GABRB1: variants seen among roughly 807,000 people sequenced by gnomAD.
The protein encoded by GABRB1 is gamma-aminobutyric acid receptor subunit beta-1.
Under a neutral mutation model 51.6 loss-of-function variants are expected in GABRB1, and 17 were observed. The ratio of observed to expected loss-of-function variants is 0.33; its 90% confidence interval spans 0.23 to 0.49. The LOEUF (loss-of-function observed/expected upper bound fraction) is 0.49, where lower values mean the gene tolerates loss of function less well. Among genes scored for constraint, GABRB1 ranks in the 20% least tolerant of loss-of-function variants. GABRB1 has a pLI of 0.99. For missense variants in GABRB1, 410 were observed against 600.6 expected, an observed-to-expected ratio of 0.68 and a Z score of 3.32; for synonymous variants, 247 against 218.9, an observed-to-expected ratio of 1.13 and a Z score of -1.14.
At chr4:47,202,279 C>T (rs528739030) in intron 4 of GABRB1, among the ~76,000 whole-genome samples, 1 of 152,264 alleles carries the variant, frequency 6.6e-6, no homozygotes, top group Non-Finnish European at 1.5e-5. Context: ...GAAGAAGGTG[C>T]CTTGCTTCCC....
At chr4:47,120,243 G>A (rs1234331934) in intron 3 of GABRB1, among the ~76,000 whole-genome samples, 2 of 152,000 alleles carry the variant, frequency 1.3e-5, no homozygotes, top group African/African-American at 2.4e-5. Context: ...AATATATAAA[G>A]CAAATATTAT....
intron 3 of GABRB1, among the ~76,000 whole-genome samples, chr4:47,152,106 ACT>A (rs1203323347): frequency 3.3e-5 from 5 of 151,902 alleles, no homozygotes; most frequent in Non-Finnish European, 1.5e-5. Flanking sequence ...GGAATTATAG[ACT>A]CATTCATTTT....
At chr4:47,039,248 T>C (rs1427397523) in intron 3 of GABRB1, among the ~76,000 whole-genome samples, 1 of 151,536 alleles carries the variant, frequency 6.6e-6, no homozygotes, top group Non-Finnish European at 1.5e-5. Flanking sequence ...CCAATGTATC[T>C]TTCCCTGTCT....
chr4:47,241,909 T>A (rs918263228), intron 4 of GABRB1, among the ~76,000 whole-genome samples: 1 of 152,204 alleles, frequency 6.6e-6, no homozygotes, highest in African/African-American at 2.4e-5. Flanking sequence ...TATTATACTT[T>A]AAGTTCTAGG....
In GABRB1 at chr4:47,148,669, G is replaced by T. The variant is rs1717286380; in HGVS notation, c.241-12580G>T. Among the ~76,000 whole-genome samples, 7 of 151,654 alleles carry T rather than the reference G, an allele frequency of 4.6e-5. No individual in the cohort carries two copies. The Admixed American group carries it at 4.6e-4, about 10-fold the overall frequency. ...TTAAGGATCACTGTGGAAGAAAAATGCTGGCCTTCCCTTGGCTAACATTTG... is the reference window on the plus strand; with the variant it reads ...TTAAGGATCACTGTGGAAGAAAAATTCTGGCCTTCCCTTGGCTAACATTTG... On this transcript the variant is annotated intron_variant, in intron 3 of 8. Coordinates refer to ENST00000295454, the MANE Select transcript of GABRB1 (RefSeq NM_000812.4).
chr4:47,101,081 C>A (rs551302452), intron 3 of GABRB1, among the ~76,000 whole-genome samples: 1 of 151,932 alleles, frequency 6.6e-6, no homozygotes, highest in South Asian at 2.1e-4. Flanking sequence ...TAGTCCTGCA[C>A]ACAATGGAAG....
intron 5 of GABRB1, among the ~76,000 whole-genome samples, chr4:47,389,088 G>T (rs952915710): frequency 6.6e-6 from 1 of 152,152 alleles, no homozygotes; most frequent in Non-Finnish European, 1.5e-5. Context: ...TTGCAAGATT[G>T]GGTGTTTGGT....
At chr4:47,132,395 T>A (rs1716458189) in intron 3 of GABRB1, among the ~76,000 whole-genome samples, 1 of 1,138 alleles carries the variant, frequency 8.8e-4, no homozygotes, top group Non-Finnish European at 1.9e-3. Flanking sequence ...TGGTTTGTTT[T>A]GGTTTGGTTT....
chr4:47,336,569 A>T (rs2109981925), intron 5 of GABRB1, among the ~76,000 whole-genome samples: 1 of 152,324 alleles, frequency 6.6e-6, no homozygotes, highest in Non-Finnish European at 1.5e-5. Context: ...AAATCTGCAA[A>T]CTAAAAGAGA....
chr4:47,329,464 A>G (rs1476194590), intron 5 of GABRB1, among the ~76,000 whole-genome samples: 1 of 149,040 alleles, frequency 6.7e-6, no homozygotes, highest in Non-Finnish European at 1.5e-5. Flanking sequence ...ATACATATAT[A>G]TGGAATATAT....
At position 47,339,541 on chromosome 4, in the gene GABRB1, A is replaced by ATGTGTG. The variant is rs34390361; in HGVS notation, c.544+19356_544+19361dup. On this transcript the variant is annotated intron_variant, in intron 5 of 8. Coordinates refer to ENST00000295454, the MANE Select transcript of GABRB1 (RefSeq NM_000812.4). Reference sequence around the variant, plus strand: ...CATATTTATGTGTGTATGTGTGCATATGTGTGTGTGTGTGTGTGTGTGTGT... The same window carrying ATGTGTG: ...CATATTTATGTGTGTATGTGTGCATATGTGTGTGTGTGTGTGTGTGTGTGTGTGTGT... Among the ~76,000 whole-genome samples, 535 of 148,450 alleles carry ATGTGTG rather than the reference A, an allele frequency of 3.6e-3. 11 individuals carry two copies. The East Asian group carries it at 0.044, about 12-fold the overall frequency.
chr4:47,412,448 G>A (rs1029635760), intron 8 of GABRB1, among the ~76,000 whole-genome samples: 6 of 152,164 alleles, frequency 3.9e-5, no homozygotes, highest in Non-Finnish European at 7.4e-5. Context: ...GCTCCAGACT[G>A]TCTTACTGTT....
intron 5 of GABRB1, among the ~76,000 whole-genome samples, chr4:47,363,566 G>T (rs1726878202): frequency 6.6e-6 from 1 of 152,032 alleles, no homozygotes; most frequent in Non-Finnish European, 1.5e-5. Context: ...GCAGAAAGAG[G>T]CTTATTATAA....
intron 4 of GABRB1, among the ~76,000 whole-genome samples, chr4:47,242,501 C>G (rs1469389433): frequency 2.6e-5 from 4 of 152,192 alleles, no homozygotes; most frequent in Non-Finnish European, 4.4e-5. Context: ...ACAGTCCCAG[C>G]AACAGTGTAA....
Position 47,005,176 on chromosome 4 carries a change from T to C in GABRB1, c.-20+11250T>C, listed in dbSNP as rs188366956. Among the ~76,000 whole-genome samples, 1,177 of 152,340 alleles carry C rather than the reference T, an allele frequency of 7.7e-3. 5 individuals are homozygous for C. Among genetic ancestry groups the C allele is most frequent in the African/African-American group, 0.027 (1,108 of 41,582 alleles). On this transcript the variant is annotated intron_variant, in intron 1 of 3. Coordinates refer to the GABRB1 transcript ENST00000513567. ...GCTCACGCCTATAATCCCAGCACTT[T>C]GGGAGGCCGAGGCGGGTGGATCACG...
chr4:47,254,631 C>G (rs1334807397), intron 4 of GABRB1, among the ~76,000 whole-genome samples: 1 of 151,868 alleles, frequency 6.6e-6, no homozygotes, highest in African/African-American at 2.4e-5. Context: ...CTTGGCCTCT[C>G]AAAGTGCTGG....
At chr4:47,403,176 C>A (rs771361463) in intron 5 of GABRB1, 142 bp from the exon 6 acceptor site, 6 of 773,628 alleles carry the variant, frequency 7.8e-6, no homozygotes, top group Non-Finnish European at 1.3e-5. Flanking sequence ...AATAGCACTC[C>A]ACATGAGACC....
intron 3 of GABRB1, among the ~76,000 whole-genome samples, chr4:47,075,464 T>A (rs1727504869): frequency 6.6e-6 from 1 of 151,642 alleles, no homozygotes; most frequent in African/African-American, 2.4e-5. Context: ...TCTGTCACAA[T>A]GGGTGACTCA....
intron 4 of GABRB1, among the ~76,000 whole-genome samples, chr4:47,207,023 G>A (rs1448394857): frequency 1.3e-5 from 2 of 151,820 alleles, no homozygotes; most frequent in African/African-American, 4.8e-5. Context: ...CATCTTTCTA[G>A]CAATCTGTAG....
Sources: gnomAD v4.1 joint callset for allele counts (sites outside exome capture counted in the v4.1 genomes callset) on GRCh38, gnomAD v4.1.1 for gene constraint, MANE v1.5 for transcripts, NCBI Gene and HGNC (gene_info 2026-07-23, HGNC 2026-07-21) for gene names.